Variants in PPM1A observed in about 807,000 individuals in gnomAD.
PPM1A encodes protein phosphatase 1A.
A neutral mutation model predicts 35.0 loss-of-function variants in PPM1A; 7 were observed. That is an observed-to-expected ratio of 0.20 (90% CI 0.11 to 0.38). The LOEUF (loss-of-function observed/expected upper bound fraction) is 0.38. PPM1A is among the 10% of genes least tolerant of loss of function. The pLI is 1.00. For missense variants in PPM1A, 239 were observed against 467.8 expected (o/e 0.51, Z 4.51); for synonymous variants, 153 against 167.3 (o/e 0.91, Z 0.66).
chr14:60,253,312 C>T (rs775199323), intron 1 of PPM1A, among the ~76,000 whole-genome samples: 6 of 152,054 alleles, frequency 3.9e-5, no homozygotes, highest in African/African-American at 7.2e-5. Flanking sequence ...TCATGAAAGC[C>T]GTACTTTCTT....
chr14:60,252,351 T>C (rs1012352511), intron 1 of PPM1A, among the ~76,000 whole-genome samples: 4 of 152,242 alleles, frequency 2.6e-5, no homozygotes, highest in Non-Finnish European at 5.9e-5. Context: ...CAAATGATTA[T>C]CTAACTCTTG....
chr14:60,283,044 T>C lies in PPM1A; in HGVS notation c.341T>C (p.Val114Ala), dbSNP rs752932710. The C allele has an allele frequency of 5.0e-6, 8 of 1,613,956 alleles. No homozygotes were observed. The highest frequency in any genetic ancestry group is 4.0e-5 in the African/African-American group (3 of 74,872). The change falls in exon 2 of 6, where the codon GTT (valine) becomes GCT (alanine). Residue 114 changes from valine (V) to alanine (A), a missense_variant. Around this residue, in one of 2 missense-constraint regions of PPM1A, gnomAD observed 175 missense variants for 389.2 expected, o/e 0.45. Transcript: ENST00000395076. This position sits in a 1 kb window ranked among gnomAD's most constrained non-coding sequence, Gnocchi z 6.3. Reference sequence around the variant, plus strand: ...CTGGAGATTGATGAACACATGAGAGTTATGTCAGAGAAGAAACATGGTGCA... The same window carrying C: ...CTGGAGATTGATGAACACATGAGAGCTATGTCAGAGAAGAAACATGGTGCA... The part of the protein sequence containing the change: ...GFLEIDEHMR[V>A]MSEKKHGADR...
chr14:60,246,658 C>G (rs78344581), upstream of PPM1A, among the ~76,000 whole-genome samples: 11,310 of 152,144 alleles, frequency 0.074, 697 homozygotes, highest in African/African-American at 0.18. Context: ...TCTGTCCCCC[C>G]TTCTTAGCAT....
chr14:60,274,832 A>G (rs746040845), intron 1 of PPM1A, among the ~76,000 whole-genome samples: 14 of 151,144 alleles, frequency 9.3e-5, no homozygotes, highest in African/African-American at 1.5e-4. Flanking sequence ...TATTCATTCA[A>G]TGTCATTTCA....
At chr14:60,260,490 A>AT (rs1484930035) in intron 1 of PPM1A, among the ~76,000 whole-genome samples, 3 of 152,158 alleles carry the variant, frequency 2.0e-5, no homozygotes, top group Non-Finnish European at 4.4e-5. Context: ...TAAAATACTG[A>AT]TACAGAAAAC....
At chr14:60,286,079 A>C (rs1886972622) in intron 3 of PPM1A, 1 of 999,860 alleles carries the variant, frequency 1.0e-6, no homozygotes. Context: ...GGTCTATTTA[A>C]TTACAAAGAG....
At chr14:60,277,557 CTG>C (rs1012995657) in intron 1 of PPM1A, among the ~76,000 whole-genome samples, 8 of 151,706 alleles carry the variant, frequency 5.3e-5, no homozygotes, top group African/African-American at 1.5e-4. Context: ...TTTTTAAAGT[CTG>C]GGGTTTGTTT....
intron 1 of PPM1A, chr14:60,276,942 C>A: frequency 1.3e-6 from 1 of 763,590 alleles, no homozygotes. Flanking sequence ...TTAAAAGGTA[C>A]AAAATGTTCA....
chr14:60,268,322 A>G, intron 1 of PPM1A: 1 of 664,546 alleles, frequency 1.5e-6, no homozygotes, highest in Non-Finnish European at 1.8e-6. Flanking sequence ...GCACTAATTG[A>G]AAAAAAAAAA....
rs1327731706 is a variant in PPM1A, at chr14:60,289,925, T to A, written c.1061+11T>A. ...TGAATTGGCAAGCAAGTAAGTTACA[T>A]TCTGTACACTCTTATGCTTTATGTC... On this transcript the variant is annotated intron_variant, in intron 4 of 5. Coordinates refer to ENST00000395076, the MANE Select transcript of PPM1A (RefSeq NM_021003.5). The surrounding 1 kb of genome is among the most constrained non-coding windows in gnomAD (Gnocchi z 4.1). 6.6e-7 allele frequency: 1 copy of A among 1,510,860 alleles called. No homozygotes were observed. The highest frequency in any genetic ancestry group is 9.0e-7 in the Non-Finnish European group (1 of 1,108,622). The allele number at this position is 1,510,860 out of a possible 1,614,324, so 93.6% of individuals were successfully genotyped here. A position where few individuals can be genotyped will look rare whatever the true frequency, so the allele number is the denominator to read the frequency against.
At chr14:60,291,804 CTTA>C (rs992601400) in intron 5 of PPM1A, among the ~76,000 whole-genome samples, 14 of 120,834 alleles carry the variant, frequency 1.2e-4, no homozygotes, top group Middle Eastern at 5.2e-3. Flanking sequence ...AGAATATTGT[CTTA>C]TTCTGAGTTT....
rs1887928425 is a variant in PPM1A, at chr14:60,294,815, G to A, written c.*2333G>A. 1 of 151,678 alleles carries A rather than the reference G, an allele frequency of 6.6e-6. No individual in the cohort carries two copies. Among genetic ancestry groups the A allele is most frequent in the Admixed American group, 6.6e-5 (1 of 15,194 alleles). 9.4% of individuals were successfully genotyped at this position (151,678 alleles called of 1,614,324 possible). ...GGACACGAGAGAGAACCGTATTTGA[G>A]TGATGTGAGAAGACTAAATCTTTTC... On this transcript the variant is annotated 3_prime_UTR_variant, in exon 6 of 6. Coordinates refer to ENST00000395076, the MANE Select transcript of PPM1A (RefSeq NM_021003.5).
intron 1 of PPM1A, among the ~76,000 whole-genome samples, chr14:60,261,326 G>C (rs1255668493): frequency 1.3e-5 from 2 of 152,102 alleles, no homozygotes; most frequent in African/African-American, 4.8e-5. Flanking sequence ...ATAAAACCTA[G>C]AGGGAAGGAA....
intron 3 of PPM1A, chr14:60,287,739 G>A (rs1887179954): frequency 2.0e-6 from 2 of 984,102 alleles, no homozygotes; most frequent in African/African-American, 3.5e-5. Flanking sequence ...CTCTGGGGGT[G>A]TGAAAAGATT....
At chr14:60,256,531 G>C (rs1027663810) in intron 1 of PPM1A, among the ~76,000 whole-genome samples, 5 of 152,268 alleles carry the variant, frequency 3.3e-5, no homozygotes, top group Non-Finnish European at 7.4e-5. Context: ...AGATCCATTT[G>C]TTAGAGAACA....
At chr14:60,287,136 T>C in intron 3 of PPM1A, 1 of 943,520 alleles carries the variant, frequency 1.1e-6, no homozygotes, top group East Asian at 1.2e-4. Context: ...TTAATATTTT[T>C]ACTATGAAAT....
In PPM1A at chr14:60,282,260, A is replaced by T. The variant is rs1886483963; in HGVS notation, c.-20-424A>T. On this transcript the variant is annotated intron_variant, in intron 1 of 5. Coordinates refer to ENST00000395076, the MANE Select transcript of PPM1A (RefSeq NM_021003.5). The surrounding 1 kb of genome is among the most constrained non-coding windows in gnomAD (Gnocchi z 5.1). ...TTGGAATCAAGCTTGAAAATTCCTG[A>T]ATGTTCAACCAAGATATATTTGAGT... Among the ~76,000 whole-genome samples, 2 of 115,114 alleles carry T rather than the reference A, an allele frequency of 1.7e-5. No individual in the cohort carries two copies. Among genetic ancestry groups the T allele is most frequent in the Admixed American group, 1.5e-4 (2 of 13,546 alleles). The allele number at this position is 115,114 out of a possible 152,430, so 75.5% of individuals were successfully genotyped here. A position where few individuals can be genotyped will look rare whatever the true frequency, so the allele number is the denominator to read the frequency against.
intron 2 of PPM1A, among the ~76,000 whole-genome samples, chr14:60,284,863 A>G (rs1343159928): frequency 6.6e-6 from 1 of 151,840 alleles, no homozygotes; most frequent in Non-Finnish European, 1.5e-5. Context: ...ACTTGGGTTC[A>G]GTGTTCTTTC....
At chr14:60,272,878 A>G (rs1005924868) in intron 1 of PPM1A, among the ~76,000 whole-genome samples, 4 of 151,976 alleles carry the variant, frequency 2.6e-5, no homozygotes, top group Admixed American at 2.0e-4. Context: ...GCTAATATCA[A>G]TTTGATACTC....
Sources: allele counts gnomAD v4.1 joint callset (sites outside exome capture counted in the v4.1 genomes callset), GRCh38; gene constraint gnomAD v4.1.1; regional missense constraint gnomAD v4.1.1; non-coding constraint Gnocchi (gnomAD v3.1); transcripts MANE v1.5; gene names NCBI Gene and HGNC (gene_info 2026-07-23, HGNC 2026-07-21).